IBTK: variants seen among roughly 807,000 people sequenced by gnomAD.
The protein encoded by IBTK is BTK-binding protein.
In IBTK, 83 loss-of-function variants were observed where a neutral mutation model predicts 154.9. The ratio of observed to expected loss-of-function variants is 0.54; its 90% CI spans 0.45 to 0.64. The LOEUF is 0.64. Among genes scored for constraint, IBTK ranks in the 30% least tolerant of loss-of-function variants. IBTK has a pLI of 0.00. For missense variants in IBTK, 1,332 were observed against 1,584.6 expected (o/e 0.84, Z 2.71); for synonymous variants, 515 against 536.1 (o/e 0.96, Z 0.54).
intron 1 of IBTK, 132 bp from the exon 2 acceptor site, chr6:82,240,975 C>T (rs1582263230): frequency 7.6e-6 from 3 of 395,032 alleles, no homozygotes; most frequent in Non-Finnish European, 1.3e-5. Flanking sequence ...ATTACTGGAA[C>T]ACTAAGCTTA....
At chr6:82,235,519 G>A (rs1045061173) in intron 2 of IBTK, among the ~76,000 whole-genome samples, 9 of 151,992 alleles carry the variant, frequency 5.9e-5, no homozygotes, top group African/African-American at 2.2e-4. Context: ...ACTTGAACCC[G>A]GGACACAGAG....
intron 1 of IBTK, among the ~76,000 whole-genome samples, chr6:82,242,173 C>T (rs758723970): frequency 1.3e-5 from 2 of 151,858 alleles, no homozygotes; most frequent in African/African-American, 2.4e-5. Context: ...AGTTTGAGAC[C>T]AGCCTGACCA....
At chr6:82,247,124 T>G (rs1771182390) in intron 1 of IBTK, among the ~76,000 whole-genome samples, 1 of 152,180 alleles carries the variant, frequency 6.6e-6, no homozygotes, top group Non-Finnish European at 1.5e-5. Context: ...CTTATCAGAT[T>G]TCACGACCTG....
chr6:82,202,619 G>A lies in IBTK; in HGVS notation c.2638C>T (p.Leu880=). Residue 880 remains leucine (L), a synonymous_variant, in exon 18 of 29, where the codon CTG becomes TTG. Transcript: ENST00000306270. The part of the protein sequence containing the change: ...KLTLKNAAML[L]EFAAMYSAKQ... ...GCACTATACATTGCTGCAAATTCCA[G>A]TAGCATAGCAGCATTCTTCAGGGTA... 1.2e-6 allele frequency: 2 copies of A among 1,602,600 alleles called. No homozygotes were observed. Among genetic ancestry groups the A allele is most frequent in the Non-Finnish European group, 1.7e-6 (2 of 1,174,688 alleles).
At chr6:82,227,709 T>C (rs1770346019) in intron 4 of IBTK, among the ~76,000 whole-genome samples, 1 of 152,058 alleles carries the variant, frequency 6.6e-6, no homozygotes, top group African/African-American at 2.4e-5. Context: ...TATATGGTAC[T>C]AATAAAAATA....
chr6:82,221,984 G>A (rs1770117951), intron 8 of IBTK, among the ~76,000 whole-genome samples: 3 of 152,082 alleles, frequency 2.0e-5, no homozygotes, highest in South Asian at 4.1e-4. Context: ...GGCCAAAATG[G>A]AGAAACCCCA....
intron 26 of IBTK, among the ~76,000 whole-genome samples, chr6:82,175,558 G>T (rs1044715672): frequency 3.3e-5 from 5 of 152,090 alleles, no homozygotes; most frequent in Non-Finnish European, 5.9e-5. Flanking sequence ...AAATAAAATA[G>T]AGCTATGATT....
chr6:82,241,269 C>A (rs919800344), intron 1 of IBTK, among the ~76,000 whole-genome samples: 4 of 152,106 alleles, frequency 2.6e-5, no homozygotes, highest in Non-Finnish European at 5.9e-5. Flanking sequence ...TATGTCCCCA[C>A]AAGCTATGAA....
chr6:82,189,713 A>C (rs2127802273), intron 25 of IBTK, among the ~76,000 whole-genome samples: 1 of 152,350 alleles, frequency 6.6e-6, no homozygotes, highest in East Asian at 1.9e-4. Context: ...CCTCCAAAAA[A>C]ATAAGTGAAA....
At chr6:82,200,390 T>C (rs1184518117) in intron 20 of IBTK, 137 bp from the exon 21 acceptor site, 1 of 743,254 alleles carries the variant, frequency 1.3e-6, no homozygotes, top group Non-Finnish European at 2.2e-6. Context: ...CCTACAGATA[T>C]TAATTATGTA....
Position 82,240,444 on chromosome 6 carries a change from G to A in IBTK, c.43C>T (p.Leu15=), listed in dbSNP as rs1019110509. 1 of 1,613,956 alleles carries A rather than the reference G, an allele frequency of 6.2e-7. No homozygotes were observed. The highest frequency in any genetic ancestry group is 8.5e-7 in the Non-Finnish European group (1 of 1,180,018). The change falls in exon 2 of 29, where the codon CTG becomes TTG. Residue 15 remains leucine (L), a synonymous_variant. Transcript: ENST00000306270. ...GAAAGGACATCCAAAGCATGCTTCAGGGATCGACACTTTGATGTGCAGTCA... is the reference window on the plus strand; with the variant it reads ...GAAAGGACATCCAAAGCATGCTTCAAGGATCGACACTTTGATGTGCAGTCA... ...MPDCTSKCRS[L]KHALDVLSVV...
intron 16 of IBTK, among the ~76,000 whole-genome samples, chr6:82,208,170 G>C (rs1335467509): frequency 6.7e-6 from 1 of 149,982 alleles, no homozygotes; most frequent in African/African-American, 2.4e-5. Flanking sequence ...ATGTTAATTA[G>C]CTTGATTGTG....
chr6:82,233,155 C>CAAA (rs35870814), intron 3 of IBTK, among the ~76,000 whole-genome samples: 5 of 93,368 alleles, frequency 5.4e-5, no homozygotes, highest in African/African-American at 1.5e-4. Context: ...GAAACTGTCT[C>CAAA]AAAAAAAAAA....
intron 8 of IBTK, among the ~76,000 whole-genome samples, chr6:82,222,316 T>C (rs935210728): frequency 6.6e-6 from 1 of 152,190 alleles, no homozygotes; most frequent in African/African-American, 2.4e-5. Flanking sequence ...AAATCCCCAA[T>C]TGTTTTAAAA....
At chr6:82,186,015 C>T (rs1768542728) in intron 25 of IBTK, among the ~76,000 whole-genome samples, 1 of 152,072 alleles carries the variant, frequency 6.6e-6, no homozygotes, top group Non-Finnish European at 1.5e-5. Context: ...GTATTTCAAA[C>T]TTTTTCATTA....
chr6:82,201,125 G>C (rs921945089), intron 19 of IBTK, among the ~76,000 whole-genome samples: 2 of 152,006 alleles, frequency 1.3e-5, no homozygotes, highest in African/African-American at 4.8e-5. Context: ...GGGATCATAT[G>C]AATTCATGTT....
intron 16 of IBTK, among the ~76,000 whole-genome samples, chr6:82,207,272 A>G (rs923049987): frequency 2.0e-5 from 3 of 152,170 alleles, no homozygotes; most frequent in African/African-American, 4.8e-5. Flanking sequence ...ACAAAAATCA[A>G]TTGTAATTCT....
At chr6:82,234,291 A>T (rs1348977504) in intron 2 of IBTK, 36 bp from the exon 3 acceptor site, 2 of 768,630 alleles carry the variant, frequency 2.6e-6, no homozygotes, top group Non-Finnish European at 3.7e-6. Context: ...ATAAATATAT[A>T]TATATTATTA....
Position 82,202,649 on chromosome 6 carries a change from C to T in IBTK, c.2612-4G>A, listed in dbSNP as rs1445705716. 6.5e-7 allele frequency: 1 copy of T among 1,534,336 alleles called. No homozygotes were observed. The highest frequency in any genetic ancestry group is 8.8e-7 in the Non-Finnish European group (1 of 1,131,094). Reference sequence around the variant, plus strand: ...ATAGCAGCATTCTTCAGGGTAACTACAAAGAAAGAAAAGATTTGCAAAATT... The same window carrying T: ...ATAGCAGCATTCTTCAGGGTAACTATAAAGAAAGAAAAGATTTGCAAAATT... On this transcript the variant is annotated splice_region_variant and splice_polypyrimidine_tract_variant and intron_variant, in intron 17 of 28. Coordinates refer to ENST00000306270, the MANE Select transcript of IBTK (RefSeq NM_015525.4).
Sources: allele counts gnomAD v4.1 joint callset (sites outside exome capture counted in the v4.1 genomes callset), GRCh38; gene constraint gnomAD v4.1.1; transcripts MANE v1.5; gene names NCBI Gene and HGNC (gene_info 2026-07-23, HGNC 2026-07-21).